Variants in ADAM11 observed in about 807,000 individuals in gnomAD.
ADAM11 encodes the protein disintegrin and metalloproteinase domain-containing protein 11.
In ADAM11, 49 loss-of-function variants were observed where a neutral mutation model predicts 119.1. That is an observed-to-expected ratio of 0.41 (90% CI 0.33 to 0.52). The LOEUF is 0.52. Among genes scored for constraint, ADAM11 ranks in the 20% least tolerant of loss-of-function variants. The pLI is 0.20. For missense variants in ADAM11, 777 were observed against 1,047.5 expected (o/e 0.74, Z 3.56); for synonymous variants, 364 against 408.0 (o/e 0.89, Z 1.30).
chr17:44,777,298 C>T lies in ADAM11; in HGVS notation c.1781+33C>T, dbSNP rs759070354. On this transcript the variant is annotated intron_variant, in intron 21 of 26. Transcript: ENST00000200557. The surrounding 1 kb of genome is among the most constrained non-coding windows in gnomAD (Gnocchi z 5.1). ...CTGAGGCTCCCAGAGGGCCTCTCAG[C>T]TCCAGGGCAGGTGTGAGACTTTTCA... 3.8e-6 allele frequency: 6 copies of T among 1,577,232 alleles called. No homozygotes were observed. The Middle Eastern group carries it at 5.1e-4, about 135-fold the overall frequency.
At chr17:44,769,022 T>A (rs1433000010) in intron 2 of ADAM11, among the ~76,000 whole-genome samples, 1 of 152,258 alleles carries the variant, frequency 6.6e-6, no homozygotes, top group Non-Finnish European at 1.5e-5. Context: ...CCAGCCCCAC[T>A]GCACTCTGAA....
At position 44,776,113 on chromosome 17, in the gene ADAM11, C is replaced by T. The variant is rs1438898968; in HGVS notation, c.1486-14C>T. 6.2e-7 allele frequency: 1 copy of T among 1,613,284 alleles called. No individual in the cohort carries two copies. The highest frequency in any genetic ancestry group is 1.7e-5 in the Admixed American group (1 of 59,992). On this transcript the variant is annotated splice_polypyrimidine_tract_variant and intron_variant, in intron 17 of 26. Transcript: ENST00000200557. The surrounding 1 kb of genome is among the most constrained non-coding windows in gnomAD (Gnocchi z 5.2). ...TCCATCCTGCCTGACTCGAGGAGCG[C>T]GTCTCTTCCCTAGTACGAACCACGG...
rs1289463900 is a variant in ADAM11 at position 44,778,041 on chromosome 17, C to T, written c.2160C>T (p.Pro720=). 2 of 1,613,490 alleles carry T rather than the reference C, an allele frequency of 1.2e-6. No individual in the cohort carries two copies. The highest frequency in any genetic ancestry group is 1.7e-6 in the Non-Finnish European group (2 of 1,179,748). Reference sequence around the variant, plus strand: ...ATAACCCCCTGCCCACGTCCCCACCCACGGGGGAGACGGAGAGATATAAAG... The same window carrying T: ...ATAACCCCCTGCCCACGTCCCCACCTACGGGGGAGACGGAGAGATATAAAG... ...SIHNPLPTSP[P]TGETERYKGP... is the part of the protein sequence containing the mutation. Residue 720 remains proline (P), a synonymous_variant, in exon 24 of 27, where the codon CCC becomes CCT. Transcript: ENST00000200557.
At chr17:44,761,317 G>A (rs563033241) in intron 2 of ADAM11, among the ~76,000 whole-genome samples, 1 of 152,286 alleles carries the variant, frequency 6.6e-6, no homozygotes, top group East Asian at 1.9e-4. Flanking sequence ...AGTCAGGTAG[G>A]GATGAAAAGT....
Position 44,778,373 on chromosome 17 carries a change from C to T in ADAM11, c.2276+131C>T, listed in dbSNP as rs555417892. On this transcript the variant is annotated intron_variant, in intron 25 of 26. Transcript: ENST00000200557. ...GCTCACACGTCATAGGTCCAAGTAG[C>T]CTGCAGGGCTTAACATTTAGAAACT... 794 of 911,548 alleles carry T rather than the reference C, an allele frequency of 8.7e-4. 2 individuals carry two copies. In the Middle Eastern group the frequency reaches 0.011, roughly 13 times the overall value. 56.5% of individuals were successfully genotyped at this position (911,548 alleles called of 1,614,324 possible).
chr17:44,772,876 C>T lies in ADAM11; in HGVS notation c.698C>T (p.Thr233Ile), dbSNP rs2049544892. 1 of 1,614,122 alleles carries T rather than the reference C, an allele frequency of 6.2e-7. No individual in the cohort carries two copies. The highest frequency in any genetic ancestry group is 1.7e-5 in the Admixed American group (1 of 60,020). ...RKRQVRRGHP[T>I]VHSETKYVEL... is the part of the protein sequence containing the mutation. ...CCCCAGGTCCGCCGGGGCCACCCTACAGTGCACAGTGAAACCAAGTATGTG... is the reference window on the plus strand; with the variant it reads ...CCCCAGGTCCGCCGGGGCCACCCTATAGTGCACAGTGAAACCAAGTATGTG... The change falls in exon 9 of 27, where the codon ACA (threonine) becomes ATA (isoleucine). Residue 233 changes from threonine to isoleucine, a missense_variant. Coordinates refer to ENST00000200557, the MANE Select transcript of ADAM11 (RefSeq NM_002390.6). This position sits in a 1 kb window ranked among gnomAD's most constrained non-coding sequence, Gnocchi z 4.5.
In ADAM11 at chr17:44,773,572, A is replaced by G; in HGVS notation, c.992+145A>G. Reference sequence around the variant, plus strand: ...GCACCTGCCACCTACCCCCAGCCACATGCAACAGCTGGGCATCATCCCCTG... The same window carrying G: ...GCACCTGCCACCTACCCCCAGCCACGTGCAACAGCTGGGCATCATCCCCTG... On this transcript the variant is annotated intron_variant, in intron 11 of 26. Transcript: ENST00000200557. The surrounding 1 kb of genome is among the most constrained non-coding windows in gnomAD (Gnocchi z 4.6). 4 of 988,080 alleles carry G rather than the reference A, an allele frequency of 4.0e-6. No individual in the cohort carries two copies. The highest frequency in any genetic ancestry group is 1.7e-5 in the South Asian group (1 of 58,764). The allele number at this position is 988,080 out of a possible 1,614,324, so 61.2% of individuals were successfully genotyped here.
rs1427745103 is a variant in ADAM11, at chr17:44,780,164, G to A, written c.*410G>A. The A allele has an allele frequency of 7.2e-6, 4 of 551,898 alleles. No homozygotes were observed. Among genetic ancestry groups the A allele is most frequent in the South Asian group, 6.2e-5 (4 of 64,990 alleles). 34.2% of individuals were successfully genotyped at this position (551,898 alleles called of 1,614,324 possible). On this transcript the variant is annotated 3_prime_UTR_variant, in exon 27 of 27. Coordinates refer to ENST00000200557, the MANE Select transcript of ADAM11 (RefSeq NM_002390.6). ...CAGGGTCTTACCTCTCTGGGACCTA[G>A]GGGGACGGGGCTGACATCTACATTT... is the stretch of plus-strand genomic sequence containing the variant.
Position 44,776,151 on chromosome 17 carries a change from C to A in ADAM11, c.1510C>A (p.Arg504=). The change falls in exon 18 of 27, where the codon CGA becomes AGA. Residue 504 remains arginine, a synonymous_variant. Transcript: ENST00000200557. This position sits in a 1 kb window ranked among gnomAD's most constrained non-coding sequence, Gnocchi z 5.2. ...GTACGAACCACGGGGTGTGTCCTGC[C>A]GAGAGGCCGTGAACGAGTGCGACAT... ...CKYEPRGVSC[R]EAVNECDIAE... is the part of the protein sequence containing the mutation. 6.2e-7 allele frequency: 1 copy of A among 1,613,588 alleles called. No homozygotes were observed. Among genetic ancestry groups the A allele is most frequent in the Non-Finnish European group, 8.5e-7 (1 of 1,179,928 alleles).
At chr17:44,769,936 C>A in intron 3 of ADAM11, 46 bp from the exon 4 acceptor site, 1 of 1,612,432 alleles carries the variant, frequency 6.2e-7, no homozygotes, top group South Asian at 1.1e-5. Flanking sequence ...CAAGCCCGAC[C>A]TCACCTCGCC....
intron 2 of ADAM11, among the ~76,000 whole-genome samples, chr17:44,766,003 G>A (rs1022567660): frequency 1.3e-5 from 2 of 152,192 alleles, no homozygotes; most frequent in African/African-American, 4.8e-5. Context: ...CATTCAACGT[G>A]AGTGTTGAGC....
Position 44,775,388 on chromosome 17 carries a change from G to T in ADAM11, c.1321-6G>T. ...GCCAGACTCCCGACCTGTCCTCCCG[G>T]TCCAGCTCCTGGACCCCCCAGAGTG... On this transcript the variant is annotated splice_polypyrimidine_tract_variant and splice_region_variant and intron_variant, in intron 15 of 26. Coordinates refer to ENST00000200557, the MANE Select transcript of ADAM11 (RefSeq NM_002390.6). This position sits in a 1 kb window ranked among gnomAD's most constrained non-coding sequence, Gnocchi z 7.5. 1 of 1,612,634 alleles carries T rather than the reference G, an allele frequency of 6.2e-7. No homozygotes were observed. Among genetic ancestry groups the T allele is most frequent in the Non-Finnish European group, 8.5e-7 (1 of 1,179,764 alleles).
chr17:44,772,914 A>G lies in ADAM11; in HGVS notation c.736A>G (p.Ile246Val), dbSNP rs2049545503. Residue 246 changes from isoleucine (I) to valine (V), a missense_variant, in exon 9 of 27, where the codon ATC (isoleucine) becomes GTC (valine). By Grantham distance (29) the Ile-to-Val change is conservative. This residue lies in a region of ADAM11 where 147 missense variants were observed against 223.3 expected (regional missense o/e 0.66). Transcript: ENST00000200557. This position sits in a 1 kb window ranked among gnomAD's most constrained non-coding sequence, Gnocchi z 4.5. ...AACCAAGTATGTGGAGCTAATTGTGATCAACGACCACCAGCTGGTGAGTGC... is the reference window on the plus strand; with the variant it reads ...AACCAAGTATGTGGAGCTAATTGTGGTCAACGACCACCAGCTGGTGAGTGC... ...SETKYVELIV[I>V]NDHQLFEQMR... is the part of the protein sequence containing the mutation. 1 of 1,614,052 alleles carries G rather than the reference A, an allele frequency of 6.2e-7. No homozygotes were observed. The highest frequency in any genetic ancestry group is 8.5e-7 in the Non-Finnish European group (1 of 1,180,002).
chr17:44,769,709 C>T lies in ADAM11; in HGVS notation c.238-9C>T, dbSNP rs1387332822. 1.3e-6 allele frequency: 2 copies of T among 1,544,008 alleles called. No homozygotes were observed. The highest frequency in any genetic ancestry group is 1.1e-5 in the South Asian group (1 of 89,658). Reference sequence around the variant, plus strand: ...GGGTTGACTCCCCCTCTGCCCTCCCCCCACCCAGCCTGTCCATCTGGCCCA... The same window carrying T: ...GGGTTGACTCCCCCTCTGCCCTCCCTCCACCCAGCCTGTCCATCTGGCCCA... On this transcript the variant is annotated splice_polypyrimidine_tract_variant and intron_variant, in intron 2 of 26. Coordinates refer to ENST00000200557, the MANE Select transcript of ADAM11 (RefSeq NM_002390.6).
intron 4 of ADAM11, among the ~76,000 whole-genome samples, chr17:44,770,488 T>TCC (rs754119100): frequency 6.6e-5 from 4 of 60,242 alleles, no homozygotes; most frequent in African/African-American, 1.6e-4. Context: ...ATAGCCTGTC[T>TCC]CCCCCCCCCC....
Position 44,772,788 on chromosome 17 carries a change from T to G in ADAM11, c.679-69T>G. Reference sequence around the variant, plus strand: ...GACCCCCCCATCCCCACCGAGTCTGTTCCTGGCTTGGCCATGAGATCAGTC... The same window carrying G: ...GACCCCCCCATCCCCACCGAGTCTGGTCCTGGCTTGGCCATGAGATCAGTC... On this transcript the variant is annotated intron_variant, in intron 8 of 26. Transcript: ENST00000200557. This position sits in a 1 kb window ranked among gnomAD's most constrained non-coding sequence, Gnocchi z 4.5. 6.9e-7 allele frequency: 1 copy of G among 1,459,018 alleles called. No individual in the cohort carries two copies. The highest frequency in any genetic ancestry group is 9.5e-7 in the Non-Finnish European group (1 of 1,047,240). The allele number at this position is 1,459,018 out of a possible 1,614,324, so 90.4% of individuals were successfully genotyped here.
chr17:44,765,610 CTTTTTTTTTTT>C (rs748123040), intron 2 of ADAM11, among the ~76,000 whole-genome samples: 2 of 99,876 alleles, frequency 2.0e-5, no homozygotes, highest in Non-Finnish European at 3.6e-5. Context: ...TTTCTTTTCT[CTTTTTTTTTTT>C]TTTTTTTTTT....
At chr17:44,769,646 TC>T in intron 2 of ADAM11, 71 bp from the exon 3 acceptor site, 1 of 1,003,990 alleles carries the variant, frequency 1.0e-6, no homozygotes, top group Non-Finnish European at 1.6e-6. Context: ...CTACTGTTGC[TC>T]CCGGGATCCC....
At chr17:44,761,142 G>A (rs937215968) in intron 2 of ADAM11, among the ~76,000 whole-genome samples, 1 of 151,186 alleles carries the variant, frequency 6.6e-6, no homozygotes, top group African/African-American at 2.4e-5. Flanking sequence ...GTCTTGCCTG[G>A]TGTCACTCCC....
Sources: gnomAD v4.1 joint callset for allele counts (sites outside exome capture counted in the v4.1 genomes callset) on GRCh38, gnomAD v4.1.1 for gene constraint, gnomAD v4.1.1 regional missense constraint, Gnocchi (gnomAD v3.1) non-coding constraint, MANE v1.5 for transcripts, NCBI Gene and HGNC (gene_info 2026-07-23, HGNC 2026-07-21) for gene names.